The following DLGAP2 variants were observed in gnomAD, a reference collection of about 807,000 sequenced individuals.
DLGAP2 encodes the protein DLG associated protein 2.
A neutral mutation model predicts 100.3 loss-of-function variants in DLGAP2; 26 were observed. That is an observed-to-expected ratio of 0.26 (90% CI 0.19 to 0.36). The LOEUF is 0.36. Among genes scored for constraint, DLGAP2 ranks in the 10% least tolerant of loss-of-function variants. The pLI, the probability that DLGAP2 is intolerant of heterozygous loss-of-function variation, is 1.00. For synonymous variants in DLGAP2, 886 were observed against 630.1 expected, an observed-to-expected ratio of 1.41 and a Z score of -6.08; for missense variants, 1,858 against 1,453.2, an observed-to-expected ratio of 1.28 and a Z score of -4.53.
At chr8:1,123,167 G>A (rs139913553) in intron 2 of DLGAP2, among the ~76,000 whole-genome samples, 9 of 152,288 alleles carry the variant, frequency 5.9e-5, no homozygotes, top group African/African-American at 2.2e-4. Flanking sequence ...ACAATTTTGT[G>A]AATTATGAAC....
intron 3 of DLGAP2, among the ~76,000 whole-genome samples, chr8:1,321,047 G>A (rs1425779335): frequency 6.6e-6 from 1 of 151,618 alleles, no homozygotes; most frequent in African/African-American, 2.4e-5. Context: ...AGGCATCCAT[G>A]TGTCTCTAAG....
At chr8:1,294,888 C>CCT in intron 3 of DLGAP2, among the ~76,000 whole-genome samples, 1 of 145,186 alleles carries the variant, frequency 6.9e-6, no homozygotes, top group East Asian at 2.1e-4. Context: ...AAAAACAAAA[C>CCT]TTTTTTTTTT....
At chr8:1,699,431 C>A (rs1326821032) in intron 14 of DLGAP2, among the ~76,000 whole-genome samples, 1 of 150,870 alleles carries the variant, frequency 6.6e-6, no homozygotes, top group Non-Finnish European at 1.5e-5. Flanking sequence ...CGGTGAAACC[C>A]TGTCTCTATT....
chr8:865,915 G>T (rs1797485893), intron 1 of DLGAP2, among the ~76,000 whole-genome samples: 3 of 152,208 alleles, frequency 2.0e-5, no homozygotes, highest in African/African-American at 4.8e-5. Flanking sequence ...CTTGAAATAA[G>T]AACATCTTTT....
chr8:1,140,161 G>A (rs963077026), intron 2 of DLGAP2, among the ~76,000 whole-genome samples: 1 of 152,280 alleles, frequency 6.6e-6, no homozygotes, highest in African/African-American at 2.4e-5. Context: ...CACTTGGCCA[G>A]GCCCATGTCG....
chr8:1,200,489 G>A (rs891100219), intron 2 of DLGAP2, among the ~76,000 whole-genome samples: 16 of 152,088 alleles, frequency 1.1e-4, no homozygotes, highest in African/African-American at 2.9e-4. Flanking sequence ...ATCTGGCCTC[G>A]TGCTCCTCGG....
At chr8:1,202,181 C>G (rs1273644885) in intron 2 of DLGAP2, among the ~76,000 whole-genome samples, 2 of 150,008 alleles carry the variant, frequency 1.3e-5, no homozygotes, top group African/African-American at 4.9e-5. Flanking sequence ...TATCTGTGTG[C>G]GTGTGGTGTG....
chr8:1,295,878 A>G (rs1385974223), intron 3 of DLGAP2, among the ~76,000 whole-genome samples: 3 of 152,158 alleles, frequency 2.0e-5, no homozygotes, highest in African/African-American at 7.2e-5. Flanking sequence ...TGGGAATTGG[A>G]AACGATTTCA....
At chr8:1,167,995 A>G (rs888910877) in intron 2 of DLGAP2, among the ~76,000 whole-genome samples, 3 of 150,714 alleles carry the variant, frequency 2.0e-5, no homozygotes, top group African/African-American at 7.3e-5. Context: ...CTCGTCATCT[A>G]GCATTAGGTA....
At chr8:1,060,140 A>G (rs1255611036) in intron 2 of DLGAP2, among the ~76,000 whole-genome samples, 1 of 152,136 alleles carries the variant, frequency 6.6e-6, no homozygotes, top group Admixed American at 6.5e-5. Flanking sequence ...GTGCTTGGAA[A>G]AGCCTCAGGG....
chr8:1,140,616 C>T (rs1796504936), intron 2 of DLGAP2, among the ~76,000 whole-genome samples: 1 of 152,180 alleles, frequency 6.6e-6, no homozygotes, highest in East Asian at 1.9e-4. Flanking sequence ...CTCACTCAGC[C>T]AGGCTGGGAG....
chr8:1,168,903 A>G (rs1187495552), intron 2 of DLGAP2, among the ~76,000 whole-genome samples: 1 of 99,288 alleles, frequency 1.0e-5, no homozygotes, highest in Non-Finnish European at 2.2e-5. Context: ...CCATTTGTCA[A>G]TTTTGGCTTT....
intron 3 of DLGAP2, among the ~76,000 whole-genome samples, chr8:1,464,278 CA>C (rs1798550232): frequency 2.7e-5 from 3 of 111,172 alleles, no homozygotes; most frequent in Admixed American, 9.0e-5. Flanking sequence ...GGCACCCTTC[CA>C]GGACAACGCC....
intron 3 of DLGAP2, among the ~76,000 whole-genome samples, chr8:1,420,858 C>T (rs1026398895): frequency 2.6e-5 from 4 of 152,142 alleles, no homozygotes; most frequent in East Asian, 1.9e-4. Flanking sequence ...TCCCCATCTG[C>T]GCAGTCCTGT....
At chr8:1,129,944 C>T (rs575947028) in intron 2 of DLGAP2, among the ~76,000 whole-genome samples, 1 of 152,252 alleles carries the variant, frequency 6.6e-6, no homozygotes, top group South Asian at 2.1e-4. Flanking sequence ...CTTGTAACCC[C>T]AGGTGCACAT....
At chr8:1,092,560 G>C (rs541600076) in intron 2 of DLGAP2, among the ~76,000 whole-genome samples, 1 of 152,216 alleles carries the variant, frequency 6.6e-6, no homozygotes, top group Non-Finnish European at 1.5e-5. Flanking sequence ...GGCCGGCTCT[G>C]TGGCATCCAC....
intron 3 of DLGAP2, among the ~76,000 whole-genome samples, chr8:1,372,813 C>T (rs1053100850): frequency 1.3e-5 from 2 of 152,166 alleles, no homozygotes; most frequent in Non-Finnish European, 2.9e-5. Flanking sequence ...GCGAACATGG[C>T]GTTAGATACA....
chr8:1,686,510 A>G (rs1799119119), intron 12 of DLGAP2, among the ~76,000 whole-genome samples: 1 of 152,178 alleles, frequency 6.6e-6, no homozygotes. Flanking sequence ...TCAACTAAAA[A>G]TACAAAAGTT....
chr8:1,168,112 A>C (rs1401853116), intron 2 of DLGAP2, among the ~76,000 whole-genome samples: 1 of 137,402 alleles, frequency 7.3e-6, no homozygotes, highest in African/African-American at 2.7e-5. Flanking sequence ...GTTCCCACCT[A>C]TGAGTGAGAA....
Sources: gnomAD v4.1 joint callset for allele counts (sites outside exome capture counted in the v4.1 genomes callset) on GRCh38, gnomAD v4.1.1 for gene constraint, MANE v1.5 for transcripts, NCBI Gene and HGNC (gene_info 2026-07-23, HGNC 2026-07-21) for gene names.